Variants in PSKH1 observed in about 807,000 individuals in gnomAD.
PSKH1 encodes serine/threonine-protein kinase H1.
PSKH1 carries 12 observed loss-of-function variants against 26.7 expected under a neutral mutation model. The ratio of observed to expected loss-of-function variants is 0.45; its 90% CI spans 0.29 to 0.73. The LOEUF is 0.73. PSKH1 is among the 30% of genes least tolerant of loss of function. The pLI is 0.11. For synonymous variants in PSKH1, 213 were observed against 234.3 expected, an observed-to-expected ratio of 0.91 and a Z score of 0.83; for missense variants, 431 against 595.2, an observed-to-expected ratio of 0.72 and a Z score of 2.87.
chr16:67,925,672 C>G (rs990364614), intron 2 of PSKH1, among the ~76,000 whole-genome samples: 3 of 152,118 alleles, frequency 2.0e-5, no homozygotes, highest in East Asian at 3.9e-4. Context: ...CCCCAGGAGT[C>G]ACTGGGTGCT....
chr16:67,909,378 A>T lies in PSKH1; in HGVS notation c.629A>T (p.His210Leu). 1.2e-6 allele frequency: 2 copies of T among 1,613,748 alleles called. No individual in the cohort carries two copies. Among genetic ancestry groups the T allele is most frequent in the Non-Finnish European group, 1.7e-6 (2 of 1,179,964 alleles). ...GTGCTGGATGGCGTCCGGTATCTGCATGCACTGGGCATCACACACCGAGAC... is the reference window on the plus strand; with the variant it reads ...GTGCTGGATGGCGTCCGGTATCTGCTTGCACTGGGCATCACACACCGAGAC... ...QMVLDGVRYL[H>L]ALGITHRDLK... The change falls in exon 2 of 3, where the codon CAT (histidine) becomes CTT (leucine). Residue 210 changes from histidine (H) to leucine (L), a missense_variant. Physicochemically the swap from His to Leu is moderately conservative, Grantham distance 99. Transcript: ENST00000291041. This position sits in a 1 kb window ranked among gnomAD's most constrained non-coding sequence, Gnocchi z 7.8.
At chr16:67,897,558 G>C (rs976578942) in intron 1 of PSKH1, among the ~76,000 whole-genome samples, 3 of 152,208 alleles carry the variant, frequency 2.0e-5, no homozygotes, top group Non-Finnish European at 4.4e-5. Context: ...CTTAAGATTA[G>C]AGACTATGGC....
At chr16:67,894,948 G>A (rs773394351) in intron 1 of PSKH1, among the ~76,000 whole-genome samples, 310 of 137,464 alleles carry the variant, frequency 2.3e-3, no homozygotes, top group Non-Finnish European at 4.2e-3. Context: ...TTTTTGAGAC[G>A]GAGTTTTGCT....
intron 2 of PSKH1, among the ~76,000 whole-genome samples, chr16:67,924,019 C>T (rs975272631): frequency 6.6e-6 from 1 of 152,192 alleles, no homozygotes; most frequent in African/African-American, 2.4e-5. Context: ...GAGGCCTCAG[C>T]AGGGCTTCCA....
chr16:67,896,947 A>G (rs2058128332), intron 1 of PSKH1, among the ~76,000 whole-genome samples: 1 of 152,166 alleles, frequency 6.6e-6, no homozygotes, highest in South Asian at 2.1e-4. Context: ...GGAGTTCTCT[A>G]TCATAATCAC....
chr16:67,926,722 G>C (rs2058217657), intron 2 of PSKH1, among the ~76,000 whole-genome samples: 1 of 152,054 alleles, frequency 6.6e-6, no homozygotes, highest in African/African-American at 2.4e-5. Context: ...GGGTGCCACT[G>C]AGAAGGGTCC....
At chr16:67,905,353 T>TA (rs2058153387) in intron 1 of PSKH1, among the ~76,000 whole-genome samples, 2 of 152,148 alleles carry the variant, frequency 1.3e-5, no homozygotes. Context: ...TGCCCATTCC[T>TA]AGATGCAGGA....
chr16:67,900,539 G>A (rs1275787255), intron 1 of PSKH1, among the ~76,000 whole-genome samples: 1 of 152,180 alleles, frequency 6.6e-6, no homozygotes, highest in Non-Finnish European at 1.5e-5. Flanking sequence ...AGCACTGCTG[G>A]AGTCTTTCCG....
intron 2 of PSKH1, among the ~76,000 whole-genome samples, chr16:67,918,895 C>G (rs1301567043): frequency 6.6e-6 from 1 of 152,112 alleles, no homozygotes; most frequent in Non-Finnish European, 1.5e-5. Context: ...CTCGACCTCC[C>G]CACTTCTTAA....
rs576313482 is a variant in PSKH1 at position 67,925,241 on chromosome 16, G to C, written c.958-2084G>C. Among the ~76,000 whole-genome samples, 247 of 151,824 alleles carry C rather than the reference G, an allele frequency of 1.6e-3. 9 individuals are homozygous for C. The South Asian group carries it at 0.05, about 30-fold the overall frequency. The stretch of plus-strand genomic sequence containing the variant: ...AGACGGAGTCTCGCTCTGTTGCCAG[G>C]CTGGAGTGCAGTGGTGCGATCTTGG... On this transcript the variant is annotated intron_variant, in intron 2 of 2. Transcript: ENST00000291041.
chr16:67,905,827 C>T (rs1467560806), intron 1 of PSKH1, among the ~76,000 whole-genome samples: 4 of 152,032 alleles, frequency 2.6e-5, no homozygotes, highest in Non-Finnish European at 5.9e-5. Context: ...CCAGTGCACT[C>T]CAGCCTGGGT....
In PSKH1 at chr16:67,909,496, T is replaced by C. The variant is rs1269855623; in HGVS notation, c.747T>C (p.Gly249=). ...DFGLASARKK[G]DDCLMKTTCG... is the part of the protein sequence containing the mutation. ...GCCTGGCCAGTGCTCGCAAGAAGGG[T>C]GATGACTGCTTGATGAAGACCACCT... Residue 249 remains glycine, a synonymous_variant, in exon 2 of 3, where the codon GGT becomes GGC. Transcript: ENST00000291041. The surrounding 1 kb of genome is among the most constrained non-coding windows in gnomAD (Gnocchi z 7.8). The C allele has an allele frequency of 1.2e-6, 2 of 1,613,462 alleles. No individual in the cohort carries two copies. Among genetic ancestry groups the C allele is most frequent in the Non-Finnish European group, 1.7e-6 (2 of 1,179,976 alleles).
intron 2 of PSKH1, among the ~76,000 whole-genome samples, chr16:67,921,230 T>C (rs1176872703): frequency 1.3e-5 from 2 of 151,372 alleles, no homozygotes; most frequent in Non-Finnish European, 2.9e-5. Context: ...GTGAGATGGT[T>C]CCATTGCACT....
intron 2 of PSKH1, among the ~76,000 whole-genome samples, chr16:67,922,355 G>A (rs755450074): frequency 2.0e-5 from 3 of 152,178 alleles, no homozygotes; most frequent in Non-Finnish European, 2.9e-5. Context: ...ACAGAAAGGA[G>A]GCCTTTGAAG....
intron 1 of PSKH1, among the ~76,000 whole-genome samples, chr16:67,896,001 T>C (rs576383325): frequency 6.6e-6 from 1 of 152,342 alleles, no homozygotes; most frequent in South Asian, 2.1e-4. Flanking sequence ...AGATGGTACA[T>C]ATAAGATCCT....
chr16:67,911,134 G>A (rs1392924938), intron 2 of PSKH1, among the ~76,000 whole-genome samples: 3 of 152,204 alleles, frequency 2.0e-5, no homozygotes, highest in Non-Finnish European at 4.4e-5. Context: ...AGTCTGTGTC[G>A]GCTTTATGTG....
Position 67,929,340 on chromosome 16 carries a change from C to A in PSKH1, c.*1698C>A, listed in dbSNP as rs1681879311. 1 of 154,066 alleles carries A rather than the reference C, an allele frequency of 6.5e-6. No individual in the cohort carries two copies. Among genetic ancestry groups the A allele is most frequent in the Non-Finnish European group, 1.4e-5 (1 of 69,276 alleles). 9.5% of individuals were successfully genotyped at this position (154,066 alleles called of 1,614,324 possible). ...CCACTCTGTGCCAAGTCGACTATGC[C>A]TTAGACACATCCTCCTACCGTCCCC... On this transcript the variant is annotated 3_prime_UTR_variant, in exon 3 of 3. Transcript: ENST00000291041.
chr16:67,923,664 G>C (rs1450402856), intron 2 of PSKH1, among the ~76,000 whole-genome samples: 1 of 152,256 alleles, frequency 6.6e-6, no homozygotes, highest in Non-Finnish European at 1.5e-5. Context: ...AGACTGCCCA[G>C]GTGGGTCTTG....
intron 1 of PSKH1, among the ~76,000 whole-genome samples, chr16:67,906,748 AGGT>A (rs1346028969): frequency 1.3e-5 from 2 of 152,148 alleles, no homozygotes; most frequent in African/African-American, 4.8e-5. Context: ...CTCATTAGAA[AGGT>A]GGTGACCTCT....
Sources: gnomAD v4.1 joint callset for allele counts (sites outside exome capture counted in the v4.1 genomes callset) on GRCh38, gnomAD v4.1.1 for gene constraint, Gnocchi (gnomAD v3.1) non-coding constraint, MANE v1.5 for transcripts, NCBI Gene and HGNC (gene_info 2026-07-23, HGNC 2026-07-21) for gene names.